DPH7: variants seen among roughly 807,000 people sequenced by gnomAD.
DPH7 encodes the protein diphthamide biosynthesis 7.
In DPH7, 44 loss-of-function variants were observed where a neutral mutation model predicts 41.7. The ratio of observed to expected loss-of-function variants is 1.05; its 90% CI spans 0.83 to 1.36. The LOEUF (loss-of-function observed/expected upper bound fraction) is 1.36, where lower values mean the gene tolerates loss of function less well. Ranked by LOEUF, DPH7 falls within the 40% of genes most tolerant of loss-of-function variation. The probability of loss-of-function intolerance (pLI) is 0.00; values close to 1 mark genes in which losing one functional copy is unlikely to be tolerated. For missense variants in DPH7, 629 were observed against 577.5 expected (o/e 1.09, Z -0.91); for synonymous variants, 275 against 238.0 (o/e 1.16, Z -1.43).
rs1461684110 is a variant in DPH7 at position 137,575,976 on chromosome 9, G to C, written c.375+104C>G. 5.7e-5 allele frequency: 90 copies of C among 1,577,608 alleles called. No homozygotes were observed. In the East Asian group the frequency reaches 2.0e-3, roughly 36 times the overall value. ...GAACGTTTATATATAGCTCACCATT[G>C]AAGAGAGATCGTTTTAGAAAAATGT... On this transcript the variant is annotated intron_variant, in intron 3 of 8. Coordinates refer to ENST00000277540, the MANE Select transcript of DPH7 (RefSeq NM_138778.5).
chr9:137,576,776 GCT>G (rs1201756530), intron 2 of DPH7, among the ~76,000 whole-genome samples: 12 of 152,264 alleles, frequency 7.9e-5, no homozygotes, highest in Admixed American at 7.2e-4. Flanking sequence ...TGTAGACCGA[GCT>G]CTTAGGGAGG....
rs1052724201 is a variant in DPH7, at chr9:137,557,393, C to G, written c.950-1745G>C. On this transcript the variant is annotated intron_variant, in intron 8 of 8. Transcript: ENST00000277540. ...TGGTGGCATGCACCTGTAGTACCAG[C>G]TACTCGGGAGGCTGAGGCAGCATAA... 7.2e-5 allele frequency among the ~76,000 whole-genome samples: 11 copies of G among 152,222 alleles called. No individual in the cohort carries two copies. In the East Asian group the frequency reaches 2.1e-3, roughly 29 times the overall value.
chr9:137,571,476 C>T (rs759218335), intron 5 of DPH7, among the ~76,000 whole-genome samples: 12 of 152,174 alleles, frequency 7.9e-5, no homozygotes, highest in African/African-American at 1.2e-4. Context: ...TGAGCCACCG[C>T]GCCTGGCCTA....
rs1481662403 is a variant in DPH7, at chr9:137,575,457, T to C, written c.376-614A>G. 4 of 988,400 alleles carry C rather than the reference T, an allele frequency of 4.0e-6. No homozygotes were observed. The South Asian group carries it at 1.4e-4, about 34-fold the overall frequency. 61.2% of individuals were successfully genotyped at this position (988,400 alleles called of 1,614,324 possible). On this transcript the variant is annotated intron_variant, in intron 3 of 8. Transcript: ENST00000277540. The stretch of plus-strand genomic sequence containing the variant: ...CCACAGCTTTCCTGTGGCTGCTCTT[T>C]CCCTCCTTTCTAAGACAGGGCAACT...
At position 137,564,945 on chromosome 9, in the gene DPH7, C is replaced by T; in HGVS notation, c.724G>A (p.Val242Met). 6.3e-7 allele frequency: 1 copy of T among 1,596,584 alleles called. No homozygotes were observed. Among genetic ancestry groups the T allele is most frequent in the Non-Finnish European group, 8.5e-7 (1 of 1,171,444 alleles). Residue 242 changes from valine (V) to methionine (M), a missense_variant, in exon 7 of 9, where the codon GTG becomes ATG. Val to Met is a conservative substitution (Grantham distance 21, BLOSUM62 1). Transcript: ENST00000277540. Reference protein sequence around the residue: ...LFTSKRHTMGVCSIQSSPHRE... With the variant: ...LFTSKRHTMGMCSIQSSPHRE... Reference sequence around the variant, plus strand: ...TGAGGGCTGCTCTGGATGCTGCACACACCCATGGTGTGTCTGCAAGCAGAG... The same window carrying T: ...TGAGGGCTGCTCTGGATGCTGCACATACCCATGGTGTGTCTGCAAGCAGAG...
intron 8 of DPH7, 70 bp downstream of exon 8, chr9:137,564,364 C>T: frequency 6.5e-7 from 1 of 1,543,698 alleles, no homozygotes. Flanking sequence ...GAGGGAAGAG[C>T]CCAGCAGAGC....
At chr9:137,564,357 GGAA>G (rs2132974865) in intron 8 of DPH7, 74 bp downstream of exon 8, 6 of 1,521,786 alleles carry the variant, frequency 3.9e-6, no homozygotes, top group Non-Finnish European at 1.8e-6. Context: ...GGGAGCTGAG[GGAA>G]GAGCCCAGCA....
intron 7 of DPH7, 119 bp downstream of exon 7, chr9:137,564,774 A>G: frequency 7.0e-7 from 1 of 1,432,076 alleles, no homozygotes; most frequent in Non-Finnish European, 9.6e-7. Flanking sequence ...AAGCACTGGC[A>G]GACGAAATGC....
chr9:137,570,161 A>G, intron 5 of DPH7, among the ~76,000 whole-genome samples: 1 of 138,586 alleles, frequency 7.2e-6, no homozygotes, highest in Non-Finnish European at 1.6e-5. Flanking sequence ...TCAAATAGGT[A>G]CTTGCTGAAC....
At position 137,564,942 on chromosome 9, in the gene DPH7, A is replaced by C; in HGVS notation, c.727T>G (p.Cys243Gly). 2 of 1,596,884 alleles carry C rather than the reference A, an allele frequency of 1.3e-6. No homozygotes were observed. Among genetic ancestry groups the C allele is most frequent in the Non-Finnish European group, 8.5e-7 (1 of 1,171,572 alleles). Reference sequence around the variant, plus strand: ...CGATGAGGGCTGCTCTGGATGCTGCACACACCCATGGTGTGTCTGCAAGCA... The same window carrying C: ...CGATGAGGGCTGCTCTGGATGCTGCCCACACCCATGGTGTGTCTGCAAGCA... Reference protein sequence around the residue: ...FTSKRHTMGVCSIQSSPHREH... With the variant: ...FTSKRHTMGVGSIQSSPHREH... Residue 243 changes from cysteine to glycine, a missense_variant, in exon 7 of 9, where the codon TGC (cysteine) becomes GGC (glycine). By Grantham distance (159) the Cys-to-Gly change is radical. Transcript: ENST00000277540.
intron 3 of DPH7, chr9:137,575,235 A>T (rs578241072): frequency 1.0e-6 from 1 of 1,001,252 alleles, no homozygotes; most frequent in South Asian, 4.4e-5. Flanking sequence ...TCGCCTCCCG[A>T]GACAGAGACA....
Position 137,558,272 on chromosome 9 carries a change from G to A in DPH7, c.950-2624C>T, listed in dbSNP as rs116414575. ...AGGCTGGATGCAGTGGCTCAAGCCT[G>A]TAATCCCGACACTGAGGACTGAGTT... On this transcript the variant is annotated intron_variant, in intron 8 of 8. Coordinates refer to ENST00000277540, the MANE Select transcript of DPH7 (RefSeq NM_138778.5). 7.2e-3 allele frequency among the ~76,000 whole-genome samples: 1,100 copies of A among 152,332 alleles called. 11 individuals carry two copies. Among genetic ancestry groups the A allele is most frequent in the African/African-American group, 0.025 (1,038 of 41,558 alleles).
chr9:137,555,946 C>T (rs1163004176), intron 8 of DPH7, among the ~76,000 whole-genome samples: 1 of 152,216 alleles, frequency 6.6e-6, no homozygotes, highest in African/African-American at 2.4e-5. Flanking sequence ...GGAAAGACCT[C>T]AGTTAACACT....
intron 8 of DPH7, among the ~76,000 whole-genome samples, chr9:137,559,411 A>T (rs1327240945): frequency 2.6e-5 from 4 of 151,696 alleles, no homozygotes; most frequent in Admixed American, 6.6e-5. Flanking sequence ...CTGGAAAGGG[A>T]GTCTCCCTTT....
At chr9:137,571,714 G>C (rs371997131) in intron 5 of DPH7, among the ~76,000 whole-genome samples, 102 of 152,218 alleles carry the variant, frequency 6.7e-4, no homozygotes, top group South Asian at 1.2e-3. Context: ...CTTGAACCCA[G>C]GAGGTGGAGG....
intron 2 of DPH7, 95 bp from the exon 3 acceptor site, chr9:137,576,262 C>T (rs1030755567): frequency 2.7e-5 from 30 of 1,122,604 alleles, no homozygotes; most frequent in Non-Finnish European, 3.7e-5. Context: ...CCCTTAACAA[C>T]GGGGCTGCAG....
intron 8 of DPH7, among the ~76,000 whole-genome samples, chr9:137,559,356 C>G (rs537078217): frequency 6.6e-6 from 1 of 150,782 alleles, no homozygotes; most frequent in Non-Finnish European, 1.5e-5. Flanking sequence ...CATGGTCTAG[C>G]GGTAGCGAAA....
At chr9:137,568,723 G>C (rs1344096063) in intron 5 of DPH7, among the ~76,000 whole-genome samples, 1 of 152,190 alleles carries the variant, frequency 6.6e-6, no homozygotes, top group Non-Finnish European at 1.5e-5. Flanking sequence ...GGAGGGGAAA[G>C]ACGGACGGGA....
Position 137,578,752 on chromosome 9 carries a change from G to T in DPH7, c.26C>A (p.Thr9Lys). MMGCFALQ[T>K]VDTELTADSV... ...GTCCGCGGTCAGCTCGGTGTCCACC[G>T]TTTGCAGGGCGAAACAGCCCATCAT... Residue 9 changes from threonine (T) to lysine (K), a missense_variant, in exon 1 of 9, where the codon ACG (threonine) becomes AAG (lysine). Transcript: ENST00000277540. 6.6e-7 allele frequency: 1 copy of T among 1,520,852 alleles called. No homozygotes were observed. 94.2% of individuals were successfully genotyped at this position (1,520,852 alleles called of 1,614,324 possible).
Sources: gnomAD v4.1 joint callset for allele counts (sites outside exome capture counted in the v4.1 genomes callset) on GRCh38, gnomAD v4.1.1 for gene constraint, MANE v1.5 for transcripts, NCBI Gene and HGNC (gene_info 2026-07-23, HGNC 2026-07-21) for gene names.